BOP1: variants seen among roughly 807,000 people sequenced by gnomAD.
BOP1 encodes the protein ribosome biogenesis protein BOP1.
A neutral mutation model predicts 82.9 loss-of-function variants in BOP1; 54 were observed. The observed-to-expected ratio is 0.65, with a 90% confidence interval of 0.52 to 0.82. The LOEUF (loss-of-function observed/expected upper bound fraction) is 0.82. Among genes scored for constraint, BOP1 ranks in the 40% least tolerant of loss-of-function variants. BOP1 has a pLI of 0.00. For missense variants in BOP1, 1,170 were observed against 1,072.0 expected, an observed-to-expected ratio of 1.09 and a Z score of -1.28; for synonymous variants, 566 against 451.1, an observed-to-expected ratio of 1.25 and a Z score of -3.23.
chr8:144,285,776 T>TGTGGCGGGCGAGG (rs1444586440), intron 2 of BOP1, among the ~76,000 whole-genome samples: 3 of 152,236 alleles, frequency 2.0e-5, no homozygotes, highest in Admixed American at 6.5e-5. Context: ...TCCAGATGGC[T>TGTGGCGGGCGAGG]GTGGCGGGCG....
At chr8:144,273,091 G>A (rs891575522) in intron 3 of BOP1, among the ~76,000 whole-genome samples, 5 of 152,226 alleles carry the variant, frequency 3.3e-5, no homozygotes, top group East Asian at 1.9e-4. Context: ...AGGGCCGTTC[G>A]CTCGCCGGGA....
intron 3 of BOP1, among the ~76,000 whole-genome samples, chr8:144,266,290 C>G (rs1845360166): frequency 6.6e-6 from 1 of 152,086 alleles, no homozygotes; most frequent in African/African-American, 2.4e-5. Flanking sequence ...ACGATGCCCC[C>G]AAAGACCAGC....
Position 144,278,117 on chromosome 8 carries a change from C to T in BOP1, c.310-1813G>A, listed in dbSNP as rs73372423. On this transcript the variant is annotated intron_variant, in intron 2 of 15. Coordinates refer to ENST00000569669, the MANE Select transcript of BOP1 (RefSeq NM_015201.5). ...AGGAGGGGTCGGGCCCGATGGAGCA[C>T]GAGAGTTGCGTGAGGGTGAAGTAAA... is the stretch of plus-strand genomic sequence containing the variant. Among the ~76,000 whole-genome samples, 1,018 of 152,190 alleles carry T rather than the reference C, an allele frequency of 6.7e-3. 16 individuals carry two copies. Among genetic ancestry groups the T allele is most frequent in the African/African-American group, 0.023 (954 of 41,512 alleles).
At position 144,264,227 on chromosome 8, in the gene BOP1, C is replaced by T; in HGVS notation, c.976G>A (p.Glu326Lys). The part of the protein sequence containing the change: ...PPPEYLLSEE[E>K]RLAWEQQEPG... The stretch of plus-strand genomic sequence containing the variant: ...CGGCCCCCAGGATGCAGGCCCACCT[C>T]CTCCTCGCTGAGCAGGTATTCAGGG... Residue 326 changes from glutamate to lysine, a missense_variant and splice_region_variant, in exon 7 of 16, where the codon GAG becomes AAG. Glu to Lys is a moderately conservative substitution (Grantham distance 56, BLOSUM62 1). Coordinates refer to ENST00000569669, the MANE Select transcript of BOP1 (RefSeq NM_015201.5). The T allele has an allele frequency of 1.2e-6, 2 of 1,607,928 alleles. No individual in the cohort carries two copies. The highest frequency in any genetic ancestry group is 4.5e-5 in the East Asian group (2 of 44,732).
intron 2 of BOP1, among the ~76,000 whole-genome samples, chr8:144,277,389 G>A (rs1389533991): frequency 6.6e-6 from 1 of 152,208 alleles, no homozygotes; most frequent in Non-Finnish European, 1.5e-5. Flanking sequence ...CAGCAGATCC[G>A]TGACCCCGGC....
intron 2 of BOP1, among the ~76,000 whole-genome samples, chr8:144,283,762 C>T (rs923845656): frequency 6.6e-6 from 1 of 152,202 alleles, no homozygotes; most frequent in Non-Finnish European, 1.5e-5. Flanking sequence ...AGCTGAGGGG[C>T]GGCTGCAGTA....
intron 3 of BOP1, chr8:144,268,183 G>A (rs1845424669): frequency 1.3e-6 from 2 of 1,549,366 alleles, no homozygotes; most frequent in Non-Finnish European, 8.7e-7. Flanking sequence ...GCTGCTGGGG[G>A]AGGTGGACGC....
At chr8:144,284,128 C>A (rs1231688148) in intron 2 of BOP1, among the ~76,000 whole-genome samples, 1 of 151,656 alleles carries the variant, frequency 6.6e-6, no homozygotes, top group Non-Finnish European at 1.5e-5. Flanking sequence ...AAAAACAAAA[C>A]AAAACAAAAC....
chr8:144,264,204 G>T, intron 7 of BOP1, 21 bp downstream of exon 7: 2 of 1,607,436 alleles, frequency 1.2e-6, no homozygotes, highest in Admixed American at 3.4e-5. Context: ...CAGGGTCCCG[G>T]CCCCCAGGAT....
chr8:144,262,807 C>A (rs1845249460), intron 13 of BOP1, 46 bp downstream of exon 13: 1 of 507,812 alleles, frequency 2.0e-6, no homozygotes. Flanking sequence ...TACACCGCCC[C>A]CCCCCCCACC....
chr8:144,266,770 C>A, intron 3 of BOP1: 1 of 1,055,526 alleles, frequency 9.5e-7, no homozygotes, highest in South Asian at 4.2e-5. Context: ...CCAGGGCGCC[C>A]GGCGGAGGGC....
intron 3 of BOP1, chr8:144,268,247 C>T (rs958351392): frequency 4.0e-6 from 6 of 1,482,718 alleles, no homozygotes; most frequent in Admixed American, 2.0e-5. Context: ...CAAGGCCCAC[C>T]GCAAGCATGC....
Position 144,264,426 on chromosome 8 carries a change from C to T in BOP1, c.777G>A (p.Met259Ile). The change falls in exon 7 of 16, where the codon ATG (methionine) becomes ATA (isoleucine). Residue 259 changes from methionine (M) to isoleucine (I), a missense_variant. Met to Ile is a conservative substitution (Grantham distance 10, BLOSUM62 1). Transcript: ENST00000569669. ...TCCAGCCCATCTTGATGGCGTGCAC[C>T]ATGCGAGAGACCTGCATAGACAGCC... ...SLVEKEKVSR[M>I]VHAIKMGWIQ... is the part of the protein sequence containing the mutation. 6.2e-7 allele frequency: 1 copy of T among 1,603,238 alleles called. No homozygotes were observed. The highest frequency in any genetic ancestry group is 1.1e-5 in the South Asian group (1 of 91,048).
In BOP1 at chr8:144,262,598, T is replaced by C. The variant is rs1554836544; in HGVS notation, c.1969A>G (p.Arg657Gly). 9 of 1,613,336 alleles carry C rather than the reference T, an allele frequency of 5.6e-6. No homozygotes were observed. In the Admixed American group the frequency reaches 1.0e-4, roughly 18 times the overall value. The change falls in exon 14 of 16, where the codon AGG becomes GGG. Residue 657 changes from arginine (R) to glycine (G), a missense_variant. Coordinates refer to ENST00000569669, the MANE Select transcript of BOP1 (RefSeq NM_015201.5). ...CCCAGCTTTCCTCACCTCAGCATCC[T>C]GTATGGCTTGGTGGAAAGATCCAGG... ...FDLDLSTKPY[R>G]MLRHHKKALR... is the part of the protein sequence containing the mutation.
intron 3 of BOP1, chr8:144,267,256 G>A: frequency 2.1e-6 from 3 of 1,421,948 alleles, no homozygotes; most frequent in Non-Finnish European, 2.7e-6. Context: ...CAGAGGAGGC[G>A]AGGCCACACG....
chr8:144,277,534 GAGTCCCAGCCTCGCTGCTCATGGGCCGC>G (rs1166072863), intron 2 of BOP1, among the ~76,000 whole-genome samples: 2 of 152,192 alleles, frequency 1.3e-5, no homozygotes, highest in Non-Finnish European at 2.9e-5. Context: ...CCGCACGCTG[GAGTCCCAGCCTCGCTGCTCATGGGCCGC>G]AGTCCCAGGG....
Position 144,281,016 on chromosome 8 carries a change from C to A in BOP1, c.310-4712G>T, listed in dbSNP as rs1394989216. Among the ~76,000 whole-genome samples the A allele has an allele frequency of 2.1e-3, 144 of 68,306 alleles. 3 individuals are homozygous for A. Among genetic ancestry groups the A allele is most frequent in the African/African-American group, 5.6e-3 (71 of 12,652 alleles). The allele number at this position is 68,306 out of a possible 152,430, so 44.8% of individuals were successfully genotyped here. A position where few individuals can be genotyped will look rare whatever the true frequency, so the allele number is the denominator to read the frequency against. On this transcript the variant is annotated intron_variant, in intron 2 of 15. Transcript: ENST00000569669. ...TTCTCTCACTTTCATACCAGGTCTT[C>A]GGCCTTCTCTCACTTTAATACCAGG...
At chr8:144,272,984 C>G (rs1208093688) in intron 3 of BOP1, among the ~76,000 whole-genome samples, 1 of 152,212 alleles carries the variant, frequency 6.6e-6, no homozygotes, top group Non-Finnish European at 1.5e-5. Context: ...CAGCAGCCCC[C>G]TCGGAGGCAG....
At chr8:144,268,395 A>G (rs1845430744) in intron 3 of BOP1, 3 of 588,864 alleles carry the variant, frequency 5.1e-6, no homozygotes, top group Non-Finnish European at 9.1e-6. Flanking sequence ...TCTTCCGGCC[A>G]CTGTGTGATG....
Sources: allele counts gnomAD v4.1 joint callset (sites outside exome capture counted in the v4.1 genomes callset), GRCh38; gene constraint gnomAD v4.1.1; transcripts MANE v1.5; gene names NCBI Gene and HGNC (gene_info 2026-07-23, HGNC 2026-07-21).